Variants in IL1RAPL1 observed in about 807,000 individuals in gnomAD.
IL1RAPL1 encodes the protein interleukin 1 receptor accessory protein like 1, also known as interleukin-1 receptor accessory protein-like 1.
IL1RAPL1 carries 3 observed loss-of-function variants against 48.4 expected under a neutral mutation model. That is an observed-to-expected ratio of 0.06 (90% CI 0.03 to 0.16). The LOEUF is 0.16. IL1RAPL1 is among the 10% of genes least tolerant of loss of function. The probability of loss-of-function intolerance (pLI) is 1.00; values close to 1 mark genes in which losing one functional copy is unlikely to be tolerated. For missense variants in IL1RAPL1, 349 were observed against 530.6 expected (o/e 0.66, Z 3.36); for synonymous variants, 185 against 187.7 (o/e 0.99, Z 0.12).
chrX:29,316,154 C>A, intron 3 of IL1RAPL1, among the ~76,000 whole-genome samples: 1 of 112,045 alleles, frequency 8.9e-6, no homozygotes, highest in Non-Finnish European at 1.9e-5. Context: ...ACCCCAGTGC[C>A]CTCAGGCCAT....
intron 8 of IL1RAPL1, among the ~76,000 whole-genome samples, chrX:29,926,914 G>A (rs1932896746): frequency 9.0e-6 from 1 of 111,573 alleles, no homozygotes; most frequent in Non-Finnish European, 1.9e-5. Context: ...CTCAATGTAG[G>A]GAAATTCAAA....
intron 2 of IL1RAPL1, among the ~76,000 whole-genome samples, chrX:28,962,327 G>T (rs922954939): frequency 3.6e-5 from 4 of 111,534 alleles, no homozygotes; most frequent in Admixed American, 9.6e-5. Flanking sequence ...AAGATCCTTT[G>T]GCTTAAAATT....
intron 2 of IL1RAPL1, among the ~76,000 whole-genome samples, chrX:29,186,907 T>C (rs1930262734): frequency 9.0e-6 from 1 of 110,847 alleles, no homozygotes; most frequent in South Asian, 3.8e-4. Context: ...CACTTATAAG[T>C]GGGAGCTGAA....
At chrX:29,220,160 CACCTT>C (rs1032928004) in intron 2 of IL1RAPL1, among the ~76,000 whole-genome samples, 7 of 111,659 alleles carry the variant, frequency 6.3e-5, no homozygotes, top group East Asian at 2.8e-4. Context: ...GTTTGAATCT[CACCTT>C]ACCAACTGCC....
intron 2 of IL1RAPL1, among the ~76,000 whole-genome samples, chrX:28,865,843 T>A (rs7065659): frequency 0.054 from 6,039 of 111,694 alleles, 386 homozygotes; most frequent in African/African-American, 0.19. Flanking sequence ...AAAAGCTGTA[T>A]AGAAATTGAG....
rs757158184 is a variant in IL1RAPL1 at position 28,587,552 on chromosome X, G to A, written c.-520G>A. ...CCCGGATCTGGAAATTTTACTTGGG[G>A]ACCAGGAGGATTTGAAAGGCTGCAT... On this transcript the variant is annotated 5_prime_UTR_variant, in exon 1 of 11. Coordinates refer to ENST00000378993, the MANE Select transcript of IL1RAPL1 (RefSeq NM_014271.4). 9.0e-6 allele frequency: 1 copy of A among 110,656 alleles called. No individual in the cohort carries two copies. Among genetic ancestry groups the A allele is most frequent in the South Asian group, 3.9e-4 (1 of 2,565 alleles). 9.1% of individuals were successfully genotyped at this position (110,656 alleles called of 1,213,427 possible). A position where few individuals can be genotyped will look rare whatever the true frequency, so the allele number is the denominator to read the frequency against.
chrX:28,736,807 AT>A (rs370054714), intron 1 of IL1RAPL1, among the ~76,000 whole-genome samples: 1 of 111,871 alleles, frequency 8.9e-6, no homozygotes, highest in African/African-American at 3.2e-5. Flanking sequence ...TTGAGAGAAT[AT>A]TTTTATTTTG....
intron 5 of IL1RAPL1, among the ~76,000 whole-genome samples, chrX:29,442,908 G>A (rs1934564737): frequency 9.3e-6 from 1 of 107,901 alleles, no homozygotes; most frequent in South Asian, 4.2e-4. Context: ...CTTGAAAATA[G>A]TTACTGATCT....
chrX:29,918,945 C>T (rs1018479546), intron 7 of IL1RAPL1, among the ~76,000 whole-genome samples: 2 of 111,940 alleles, frequency 1.8e-5, no homozygotes, highest in Non-Finnish European at 3.8e-5. Context: ...AAACATACTC[C>T]CATCTAAAGA....
chrX:29,453,106 G>A (rs1047801143), intron 5 of IL1RAPL1, among the ~76,000 whole-genome samples: 12 of 108,181 alleles, frequency 1.1e-4, no homozygotes, highest in Admixed American at 1.1e-3. Flanking sequence ...TGTATTTTTA[G>A]TAGAGACAGG....
chrX:29,255,794 A>T (rs1931747508), intron 2 of IL1RAPL1, among the ~76,000 whole-genome samples: 1 of 110,862 alleles, frequency 9.0e-6, no homozygotes, highest in African/African-American at 3.3e-5. Context: ...TGATTTTGTT[A>T]TTTTTTTATG....
chrX:29,053,964 ATGT>A (rs1163865943), intron 2 of IL1RAPL1, among the ~76,000 whole-genome samples: 1 of 111,864 alleles, frequency 8.9e-6, no homozygotes, highest in Non-Finnish European at 1.9e-5. Flanking sequence ...AGATTCATCC[ATGT>A]TGTTGCAAAT....
At chrX:28,743,196 T>G (rs1420647979) in intron 1 of IL1RAPL1, among the ~76,000 whole-genome samples, 1 of 111,362 alleles carries the variant, frequency 9.0e-6, no homozygotes, top group Non-Finnish European at 1.9e-5. Context: ...TTTATGATTC[T>G]GTGTGCCCAA....
chrX:29,405,357 G>GTTCT (rs1334995326), intron 5 of IL1RAPL1, among the ~76,000 whole-genome samples: 3,146 of 99,260 alleles, frequency 0.032, 260 homozygotes, highest in African/African-American at 0.088. Flanking sequence ...TTTTCTCTGT[G>GTTCT]TTCTTTATTT....
intron 6 of IL1RAPL1, among the ~76,000 whole-genome samples, chrX:29,688,754 C>CTCTCTCTG (rs58405949): frequency 1.9e-5 from 2 of 103,892 alleles, no homozygotes; most frequent in African/African-American, 7.5e-5. Context: ...CTCTCTCTCT[C>CTCTCTCTG]TGTGTGTGTC....
chrX:29,524,860 A>G (rs563917391), intron 5 of IL1RAPL1, among the ~76,000 whole-genome samples: 1 of 111,903 alleles, frequency 8.9e-6, no homozygotes, highest in Non-Finnish European at 1.9e-5. Flanking sequence ...CTATTAGTAC[A>G]TTTTCTAAGA....
intron 2 of IL1RAPL1, among the ~76,000 whole-genome samples, chrX:28,945,903 A>ATATGTGTG (rs1282562909): frequency 1.0e-5 from 1 of 97,654 alleles, no homozygotes; most frequent in Non-Finnish European, 2.1e-5. Context: ...ATATATATAT[A>ATATGTGTG]TGTGTGTGTG....
At chrX:29,461,838 A>G (rs190895359) in intron 5 of IL1RAPL1, among the ~76,000 whole-genome samples, 50 of 112,021 alleles carry the variant, frequency 4.5e-4, no homozygotes, top group African/African-American at 1.6e-3. Flanking sequence ...AGGCAAAATC[A>G]GTGGGTTCCT....
intron 6 of IL1RAPL1, among the ~76,000 whole-genome samples, chrX:29,895,143 G>C (rs1932355744): frequency 1.8e-5 from 2 of 110,697 alleles, no homozygotes. Flanking sequence ...TGTTCTTTAA[G>C]AGCGTTTGTA....
Sources: allele counts gnomAD v4.1 joint callset (sites outside exome capture counted in the v4.1 genomes callset), GRCh38; gene constraint gnomAD v4.1.1; transcripts MANE v1.5; gene names NCBI Gene and HGNC (gene_info 2026-07-23, HGNC 2026-07-21).